Variants in CHST9 observed in about 807,000 individuals in gnomAD.
CHST9 encodes the protein carbohydrate sulfotransferase 9, also known as GalNAc-4-sulfotransferase 2.
Under a neutral mutation model 44.4 loss-of-function variants are expected in CHST9, and 41 were observed. The ratio of observed to expected loss-of-function variants is 0.92; its 90% CI spans 0.72 to 1.20. The LOEUF (loss-of-function observed/expected upper bound fraction) is 1.20, where lower values mean the gene tolerates loss of function less well. CHST9 is among the 50% of genes most tolerant of loss of function. The probability of loss-of-function intolerance (pLI) is 0.00; values close to 1 mark genes in which losing one functional copy is unlikely to be tolerated. For synonymous variants in CHST9, 171 were observed against 178.4 expected (o/e 0.96, Z 0.33); for missense variants, 504 against 516.5 (o/e 0.98, Z 0.23).
chr18:27,057,074 C>A (rs2057665039), intron 2 of CHST9, among the ~76,000 whole-genome samples: 1 of 152,204 alleles, frequency 6.6e-6, no homozygotes, highest in Non-Finnish European at 1.5e-5. Flanking sequence ...CTAATGTGGT[C>A]TGAAGAGAAA....
At chr18:27,117,219 C>T (rs2058332725) in intron 2 of CHST9, among the ~76,000 whole-genome samples, 1 of 152,002 alleles carries the variant, frequency 6.6e-6, no homozygotes, top group South Asian at 2.1e-4. Flanking sequence ...AGGCCTTGTG[C>T]TAAGTGACTC....
intron 1 of CHST9, among the ~76,000 whole-genome samples, chr18:27,149,122 A>G (rs2058639164): frequency 7.8e-6 from 1 of 127,472 alleles, no homozygotes; most frequent in Admixed American, 8.2e-5. Flanking sequence ...TTTTTCTTGT[A>G]AATTTGTTTG....
intron 1 of CHST9, among the ~76,000 whole-genome samples, chr18:27,183,110 A>C (rs1380208166): frequency 1.4e-5 from 2 of 144,586 alleles, no homozygotes; most frequent in African/African-American, 5.0e-5. Flanking sequence ...CTCTGTTAAC[A>C]AAAAGGTGGG....
intron 1 of CHST9, among the ~76,000 whole-genome samples, chr18:27,160,226 G>A (rs1164929554): frequency 2.6e-5 from 4 of 152,170 alleles, no homozygotes; most frequent in African/African-American, 7.2e-5. Flanking sequence ...TGCCCATTCA[G>A]TATGATATTG....
intron 2 of CHST9, among the ~76,000 whole-genome samples, chr18:27,065,401 T>G (rs1370094510): frequency 6.6e-6 from 1 of 152,194 alleles, no homozygotes; most frequent in Non-Finnish European, 1.5e-5. Context: ...CACTTTCTTT[T>G]GCCTTCTAGG....
At chr18:27,087,384 T>C (rs12954928) in intron 2 of CHST9, among the ~76,000 whole-genome samples, 52,162 of 151,968 alleles carry the variant, frequency 0.34, 9,414 homozygotes, top group Non-Finnish European at 0.4. Flanking sequence ...ACTAGCAAAA[T>C]CACCTTTCTA....
At chr18:27,106,748 T>A (rs995860892) in intron 2 of CHST9, among the ~76,000 whole-genome samples, 1 of 152,226 alleles carries the variant, frequency 6.6e-6, no homozygotes, top group African/African-American at 2.4e-5. Context: ...AATCATATAA[T>A]TTTCTTTCTT....
chr18:27,149,770 C>A (rs1020117373), intron 1 of CHST9, among the ~76,000 whole-genome samples: 1 of 152,012 alleles, frequency 6.6e-6, no homozygotes, highest in Non-Finnish European at 1.5e-5. Context: ...TGCAACTTAG[C>A]AATTTCTCTG....
intron 4 of CHST9, among the ~76,000 whole-genome samples, chr18:27,018,135 T>C (rs2057176823): frequency 6.6e-6 from 1 of 152,186 alleles, no homozygotes; most frequent in Non-Finnish European, 1.5e-5. Context: ...TCCATCTCCA[T>C]CACCGCTGAA....
chr18:27,142,658 A>G, intron 2 of CHST9, 31 bp downstream of exon 2: 2 of 1,505,676 alleles, frequency 1.3e-6, no homozygotes, highest in Non-Finnish European at 1.8e-6. Flanking sequence ...TATTGTTACA[A>G]TTAAAATAGA....
chr18:27,100,044 C>T (rs199701101), intron 2 of CHST9, among the ~76,000 whole-genome samples: 2 of 151,128 alleles, frequency 1.3e-5, no homozygotes, highest in East Asian at 1.9e-4. Flanking sequence ...TACACACACA[C>T]ATATATATAC....
chr18:27,050,179 TCTTGTTTATCAA>T (rs1230461271), intron 2 of CHST9, among the ~76,000 whole-genome samples: 1 of 152,124 alleles, frequency 6.6e-6, no homozygotes, highest in Admixed American at 6.6e-5. Context: ...GGACATGGCT[TCTTGTTTATCAA>T]CTTTGGCAGC....
chr18:26,944,180 C>A (rs1455064797), intron 5 of CHST9, 149 bp downstream of exon 5: 3 of 646,848 alleles, frequency 4.6e-6, no homozygotes, highest in Admixed American at 2.8e-5. Flanking sequence ...CTACATATGA[C>A]CAAATATGTT....
chr18:26,975,208 G>A (rs188623718), intron 4 of CHST9, among the ~76,000 whole-genome samples: 13 of 152,244 alleles, frequency 8.5e-5, no homozygotes, highest in African/African-American at 2.4e-4. Flanking sequence ...ATTGCTTCCA[G>A]GAGAAGCCAG....
chr18:27,035,744 A>G (rs2057384430), intron 3 of CHST9, among the ~76,000 whole-genome samples: 1 of 152,128 alleles, frequency 6.6e-6, no homozygotes, highest in Non-Finnish European at 1.5e-5. Flanking sequence ...TATAATCTAA[A>G]ATTGTTGAAC....
At chr18:26,954,090 G>T (rs1249988547) in intron 4 of CHST9, among the ~76,000 whole-genome samples, 2 of 152,062 alleles carry the variant, frequency 1.3e-5, no homozygotes, top group East Asian at 3.9e-4. Context: ...CCATCAAATT[G>T]TATTTTAATA....
intron 2 of CHST9, among the ~76,000 whole-genome samples, chr18:27,064,889 C>T (rs2057764440): frequency 6.6e-6 from 1 of 152,178 alleles, no homozygotes; most frequent in East Asian, 1.9e-4. Context: ...TTTGTCATCT[C>T]AAACATTTCA....
At chr18:27,023,627 C>T (rs2057249836) in intron 4 of CHST9, among the ~76,000 whole-genome samples, 2 of 152,162 alleles carry the variant, frequency 1.3e-5, no homozygotes. Flanking sequence ...TTAGCAAATC[C>T]ATTCCTTGCA....
At chr18:26,930,681 G>A (rs71353413) in intron 5 of CHST9, 1,711 of 153,850 alleles carry the variant, frequency 0.011, 20 homozygotes, top group Non-Finnish European at 0.017. Context: ...GCAAGTATAG[G>A]TTGCACTGAT....
Sources: gnomAD v4.1 joint callset for allele counts (sites outside exome capture counted in the v4.1 genomes callset) on GRCh38, gnomAD v4.1.1 for gene constraint, MANE v1.5 for transcripts, NCBI Gene and HGNC (gene_info 2026-07-23, HGNC 2026-07-21) for gene names.